TMEM240: variants seen among roughly 807,000 people sequenced by gnomAD.
The protein encoded by TMEM240 is transmembrane protein C1orf70.
TMEM240 carries 3 observed loss-of-function variants against 19.5 expected under a neutral mutation model. That is an observed-to-expected ratio of 0.15 (90% confidence interval 0.07 to 0.40). The LOEUF (loss-of-function observed/expected upper bound fraction) is 0.40. Ranked by LOEUF, TMEM240 falls within the 10% of genes least tolerant of loss-of-function variation. The probability of loss-of-function intolerance (pLI) is 1.00; values close to 1 mark genes in which losing one functional copy is unlikely to be tolerated. For missense variants in TMEM240, 210 were observed against 253.5 expected, an observed-to-expected ratio of 0.83 and a Z score of 1.17; for synonymous variants, 123 against 109.3, an observed-to-expected ratio of 1.13 and a Z score of -0.78.
chr1:1,535,601 C>T lies in TMEM240; in HGVS notation c.361G>A (p.Gly121Arg), dbSNP rs546208867. Reference sequence around the variant, plus strand: ...ACGAGGCACTCACCGTAGCGCCGTCCGGCTCTCCAGGCGCGCACGGCGCAG... The same window carrying T: ...ACGAGGCACTCACCGTAGCGCCGTCTGGCTCTCCAGGCGCGCACGGCGCAG... ...LHCAVRAWRA[G>R]RRYDGSWTWL... The change falls in exon 3 of 4, where the codon GGA becomes AGA. Residue 121 changes from glycine to arginine, a missense_variant. Gly to Arg is a moderately radical substitution (Grantham distance 125). Transcript: ENST00000378733. This position sits in a 1 kb window ranked among gnomAD's most constrained non-coding sequence, Gnocchi z 8.2. The T allele has an allele frequency of 8.5e-5, 131 of 1,549,406 alleles. No homozygotes were observed. Among genetic ancestry groups the T allele is most frequent in the African/African-American group, 8.2e-4 (60 of 73,136 alleles).
At position 1,536,537 on chromosome 1, in the gene TMEM240, T is replaced by C. The variant is rs1037619906; in HGVS notation, c.165-740A>G. 7.9e-5 allele frequency among the ~76,000 whole-genome samples: 12 copies of C among 152,148 alleles called. No homozygotes were observed. Among genetic ancestry groups the C allele is most frequent in the Admixed American group, 3.3e-4 (5 of 15,282 alleles). On this transcript the variant is annotated intron_variant, in intron 2 of 3. Coordinates refer to ENST00000378733, the MANE Select transcript of TMEM240 (RefSeq NM_001114748.2). The surrounding 1 kb of genome is among the most constrained non-coding windows in gnomAD (Gnocchi z 5.4). ...CGTCCTCAGTGCCTGCGCGCCTCCA[T>C]GTCCCTCGGCCTCCCCTCCCCGGGC...
Position 1,534,913 on chromosome 1 carries a change from G to GCCCCCCCCCCCCCCCCCCCCCCCCCC in TMEM240, c.*445_*446insGGGGGGGGGGGGGGGGGGGGGGGGGG, listed in dbSNP as rs5772044. The stretch of plus-strand genomic sequence containing the variant: ...ACCCTGTGGCTGTGCACACGCGGGT[G>GCCCCCCCCCCCCCCCCCCCCCCCCCC]CTCCCCTCGCCCCCCTCCCCTCCGC... On this transcript the variant is annotated 3_prime_UTR_variant, in exon 4 of 4. Coordinates refer to ENST00000378733, the MANE Select transcript of TMEM240 (RefSeq NM_001114748.2). Among the ~76,000 whole-genome samples, 1 of 149,282 alleles carries GCCCCCCCCCCCCCCCCCCCCCCCCCC rather than the reference G, an allele frequency of 6.7e-6. No individual in the cohort carries two copies. Among genetic ancestry groups the GCCCCCCCCCCCCCCCCCCCCCCCCCC allele is most frequent in the African/African-American group, 2.5e-5 (1 of 39,278 alleles).
At chr1:1,539,376 G>A (rs781347883) in intron 2 of TMEM240, 12 of 402,116 alleles carry the variant, frequency 3.0e-5, no homozygotes, top group Non-Finnish European at 5.0e-5. Flanking sequence ...GCCCTGATGA[G>A]GCTGGCTTGG....
Position 1,535,876 on chromosome 1 carries a change from G to A in TMEM240, c.165-79C>T, listed in dbSNP as rs1312995551. 7.7e-7 allele frequency: 1 copy of A among 1,301,570 alleles called. No individual in the cohort carries two copies. Among genetic ancestry groups the A allele is most frequent in the African/African-American group, 1.5e-5 (1 of 67,860 alleles). 80.6% of individuals were successfully genotyped at this position (1,301,570 alleles called of 1,614,324 possible). On this transcript the variant is annotated intron_variant, in intron 2 of 3. Coordinates refer to ENST00000378733, the MANE Select transcript of TMEM240 (RefSeq NM_001114748.2). The surrounding 1 kb of genome is among the most constrained non-coding windows in gnomAD (Gnocchi z 8.2). ...CCCCCGGGGCGCCTACCCCGTGGTGGGGGTGTGACCGCGTCAGGCCGCCCT... is the reference window on the plus strand; with the variant it reads ...CCCCCGGGGCGCCTACCCCGTGGTGAGGGTGTGACCGCGTCAGGCCGCCCT...
chr1:1,537,789 C>T (rs757295856), intron 2 of TMEM240, among the ~76,000 whole-genome samples: 3 of 152,200 alleles, frequency 2.0e-5, no homozygotes, highest in African/African-American at 4.8e-5. Context: ...GCCCTGTGCA[C>T]GGTGTGTCAC....
rs1311624534 is a variant in TMEM240, at chr1:1,535,955, A to G, written c.165-158T>C. Among the ~76,000 whole-genome samples, 1 of 151,916 alleles carries G rather than the reference A, an allele frequency of 6.6e-6. No homozygotes were observed. Among genetic ancestry groups the G allele is most frequent in the African/African-American group, 2.4e-5 (1 of 41,354 alleles). On this transcript the variant is annotated intron_variant, in intron 2 of 3. Coordinates refer to ENST00000378733, the MANE Select transcript of TMEM240 (RefSeq NM_001114748.2). This position sits in a 1 kb window ranked among gnomAD's most constrained non-coding sequence, Gnocchi z 8.2. ...GGGCGGGTCGGGAAGGGGGCACCAGACTCAACGAGGCCCAGGTCACAGGCC... is the reference window on the plus strand; with the variant it reads ...GGGCGGGTCGGGAAGGGGGCACCAGGCTCAACGAGGCCCAGGTCACAGGCC...
chr1:1,535,180 C>A lies in TMEM240; in HGVS notation c.*179G>T. 90 of 495,196 alleles carry A rather than the reference C, an allele frequency of 1.8e-4. No homozygotes were observed. The highest frequency in any genetic ancestry group is 4.2e-4 in the East Asian group (9 of 21,670). The allele number at this position is 495,196 out of a possible 1,614,324, so 30.7% of individuals were successfully genotyped here. A position where few individuals can be genotyped will look rare whatever the true frequency, so the allele number is the denominator to read the frequency against. On this transcript the variant is annotated 3_prime_UTR_variant, in exon 4 of 4. Transcript: ENST00000378733. The surrounding 1 kb of genome is among the most constrained non-coding windows in gnomAD (Gnocchi z 8.2). ...ACCCCCACCCTAGCCCACACCCCAA[C>A]CCCCTTTATAAAAAGAAGAGACAGC...
Position 1,535,822 on chromosome 1 carries a change from A to T in TMEM240, c.165-25T>A. 1 of 1,537,686 alleles carries T rather than the reference A, an allele frequency of 6.5e-7. No individual in the cohort carries two copies. Among genetic ancestry groups the T allele is most frequent in the South Asian group, 1.2e-5 (1 of 83,764 alleles). ...CCTGGGGGCGGCAGGGCGGGCTGGC[A>T]CCTCTCCCGCCACCCCCGGCCTGGC... is the stretch of plus-strand genomic sequence containing the variant. On this transcript the variant is annotated intron_variant, in intron 2 of 3. Transcript: ENST00000378733. The surrounding 1 kb of genome is among the most constrained non-coding windows in gnomAD (Gnocchi z 8.2).
intron 1 of TMEM240, among the ~76,000 whole-genome samples, chr1:1,540,076 A>G (rs1454338456): frequency 7.0e-5 from 5 of 71,372 alleles, no homozygotes; most frequent in Admixed American, 2.9e-4. Flanking sequence ...CGGAGAGAGG[A>G]GCGTAGGGAG....
intron 2 of TMEM240, among the ~76,000 whole-genome samples, chr1:1,538,679 G>T (rs556903399): frequency 6.6e-6 from 1 of 152,212 alleles, no homozygotes; most frequent in Non-Finnish European, 1.5e-5. Context: ...CAGACACCCC[G>T]ATCTCTGCCT....
At chr1:1,539,584 G>C in intron 2 of TMEM240, 100 bp downstream of exon 2, 3 of 1,063,444 alleles carry the variant, frequency 2.8e-6, no homozygotes, top group Non-Finnish European at 4.1e-6. Flanking sequence ...GGTGGAAGGC[G>C]GCTCGCGGCC....
Position 1,534,990 on chromosome 1 carries a change from G to T in TMEM240, c.*369C>A, listed in dbSNP as rs535914378. Among the ~76,000 whole-genome samples, 21 of 149,028 alleles carry T rather than the reference G, an allele frequency of 1.4e-4. No homozygotes were observed. In the East Asian group the frequency reaches 1.6e-3, roughly 11 times the overall value. ...GTGGACGCAGCGCACGGGAAACAGC[G>T]CCTTCAAACAGATGCTGGCCCGGGC... On this transcript the variant is annotated 3_prime_UTR_variant, in exon 4 of 4. Transcript: ENST00000378733.
rs577411194 is a variant in TMEM240 at position 1,535,910 on chromosome 1, T to C, written c.165-113A>G. The C allele has an allele frequency of 8.5e-5, 46 of 541,026 alleles. 1 individual carries two copies. The highest frequency in any genetic ancestry group is 7.3e-4 in the South Asian group (44 of 59,876). The allele number at this position is 541,026 out of a possible 1,614,324, so 33.5% of individuals were successfully genotyped here. ...CCGCGTCAGGCCGCCCTGGGGGTTC[T>C]CTGAAGCAGCCTCTTGGGCGGGCGG... is the stretch of plus-strand genomic sequence containing the variant. On this transcript the variant is annotated intron_variant, in intron 2 of 3. Transcript: ENST00000378733. The surrounding 1 kb of genome is among the most constrained non-coding windows in gnomAD (Gnocchi z 8.2).
rs1226449137 is a variant in TMEM240 at position 1,535,834 on chromosome 1, AC to A, written c.165-38del. 2 of 1,458,250 alleles carry A rather than the reference AC, an allele frequency of 1.4e-6. No individual in the cohort carries two copies. Among genetic ancestry groups the A allele is most frequent in the Non-Finnish European group, 1.8e-6 (2 of 1,086,356 alleles). 90.3% of individuals were successfully genotyped at this position (1,458,250 alleles called of 1,614,324 possible). On this transcript the variant is annotated intron_variant, in intron 2 of 3. Transcript: ENST00000378733. This position sits in a 1 kb window ranked among gnomAD's most constrained non-coding sequence, Gnocchi z 8.2. ...AGGGCGGGCTGGCACCTCTCCCGCC[AC>A]CCCCGGCCTGGCCTTCCCCCGGGGC... is the stretch of plus-strand genomic sequence containing the variant.
Position 1,535,286 on chromosome 1 carries a change from G to C in TMEM240, c.*73C>G. ...CTGCTGTCCAGTCCCGCCGGCCCGGGCGTCCACGAGGTCCCTTTTACATCT... is the reference window on the plus strand; with the variant it reads ...CTGCTGTCCAGTCCCGCCGGCCCGGCCGTCCACGAGGTCCCTTTTACATCT... On this transcript the variant is annotated 3_prime_UTR_variant, in exon 4 of 4. Transcript: ENST00000378733. The surrounding 1 kb of genome is among the most constrained non-coding windows in gnomAD (Gnocchi z 8.2). 1 of 1,494,178 alleles carries C rather than the reference G, an allele frequency of 6.7e-7. No homozygotes were observed. The highest frequency in any genetic ancestry group is 2.6e-5 in the East Asian group (1 of 39,150). 92.6% of individuals were successfully genotyped at this position (1,494,178 alleles called of 1,614,324 possible). A position where few individuals can be genotyped will look rare whatever the true frequency, so the allele number is the denominator to read the frequency against.
chr1:1,535,851 C>T lies in TMEM240; in HGVS notation c.165-54G>A, dbSNP rs2100695693. On this transcript the variant is annotated intron_variant, in intron 2 of 3. Transcript: ENST00000378733. The surrounding 1 kb of genome is among the most constrained non-coding windows in gnomAD (Gnocchi z 8.2). ...CTCCCGCCACCCCCGGCCTGGCCTT[C>T]CCCCGGGGCGCCTACCCCGTGGTGG... 3 of 1,498,224 alleles carry T rather than the reference C, an allele frequency of 2.0e-6. No individual in the cohort carries two copies. Among genetic ancestry groups the T allele is most frequent in the East Asian group, 4.9e-5 (2 of 40,558 alleles). 92.8% of individuals were successfully genotyped at this position (1,498,224 alleles called of 1,614,324 possible).
Position 1,535,184 on chromosome 1 carries a change from C to G in TMEM240, c.*175G>C, listed in dbSNP as rs917390568. On this transcript the variant is annotated 3_prime_UTR_variant, in exon 4 of 4. Coordinates refer to ENST00000378733, the MANE Select transcript of TMEM240 (RefSeq NM_001114748.2). This position sits in a 1 kb window ranked among gnomAD's most constrained non-coding sequence, Gnocchi z 8.2. ...CCACCCTAGCCCACACCCCAACCCCCTTTATAAAAAGAAGAGACAGCACCT... is the reference window on the plus strand; with the variant it reads ...CCACCCTAGCCCACACCCCAACCCCGTTTATAAAAAGAAGAGACAGCACCT... 9.9e-6 allele frequency: 7 copies of G among 706,424 alleles called. No individual in the cohort carries two copies. In the African/African-American group the frequency reaches 1.1e-4, roughly 11 times the overall value. 43.8% of individuals were successfully genotyped at this position (706,424 alleles called of 1,614,324 possible).
rs1257973180 is a variant in TMEM240, at chr1:1,536,793, C to T, written c.165-996G>A. Among the ~76,000 whole-genome samples, 1 of 152,158 alleles carries T rather than the reference C, an allele frequency of 6.6e-6. No homozygotes were observed. The highest frequency in any genetic ancestry group is 1.9e-4 in the East Asian group (1 of 5,174). ...CGGGCCCCACGCGCCTTGCGGTCCA[C>T]ACTCCTGGCTGCCTCCCACATCTCC... is the stretch of plus-strand genomic sequence containing the variant. On this transcript the variant is annotated intron_variant, in intron 2 of 3. Transcript: ENST00000378733. The surrounding 1 kb of genome is among the most constrained non-coding windows in gnomAD (Gnocchi z 5.4).
intron 2 of TMEM240, chr1:1,539,411 G>T: frequency 2.0e-6 from 1 of 500,688 alleles, no homozygotes; most frequent in Non-Finnish European, 3.6e-6. Flanking sequence ...CATCACACTG[G>T]GCTGCGGCTT....
Sources: allele counts gnomAD v4.1 joint callset (sites outside exome capture counted in the v4.1 genomes callset), GRCh38; gene constraint gnomAD v4.1.1; non-coding constraint Gnocchi (gnomAD v3.1); transcripts MANE v1.5; gene names NCBI Gene and HGNC (gene_info 2026-07-23, HGNC 2026-07-21).